The following ATP13A4 variants were observed in gnomAD, a reference collection of about 807,000 sequenced individuals.
The protein encoded by ATP13A4 is probable cation-transporting ATPase 13A4.
In ATP13A4, 114 loss-of-function variants were observed where a neutral mutation model predicts 142.5. The observed-to-expected ratio is 0.80, with a 90% CI of 0.69 to 0.93. The LOEUF is 0.93. ATP13A4 is among the 40% of genes least tolerant of loss of function. The pLI is 0.00. For missense variants in ATP13A4, 1,392 were observed against 1,454.0 expected, an observed-to-expected ratio of 0.96 and a Z score of 0.69; for synonymous variants, 488 against 514.8, an observed-to-expected ratio of 0.95 and a Z score of 0.70.
intron 25 of ATP13A4, among the ~76,000 whole-genome samples, chr3:193,423,423 T>C (rs555227693): frequency 6.7e-6 from 1 of 148,162 alleles, no homozygotes; most frequent in Non-Finnish European, 1.5e-5. Context: ...AATATAGATG[T>C]AAAAAAAAAT....
chr3:193,589,542 A>C (rs1009756834), intron 1 of ATP13A4, among the ~76,000 whole-genome samples: 2 of 152,172 alleles, frequency 1.3e-5, no homozygotes, highest in African/African-American at 4.8e-5. Context: ...TTCGTTGGAT[A>C]ATTCTGAAAA....
At chr3:193,510,095 G>A (rs917409162) in intron 2 of ATP13A4, among the ~76,000 whole-genome samples, 2 of 152,164 alleles carry the variant, frequency 1.3e-5, no homozygotes, top group East Asian at 3.9e-4. Context: ...AGTGGTCCTG[G>A]TGTGGGAAAC....
rs761826068 is a variant in ATP13A4 at position 193,502,498 on chromosome 3, G to A, written c.376C>T (p.Leu126=). 6.2e-7 allele frequency: 1 copy of A among 1,613,960 alleles called. No homozygotes were observed. ...GTAGCCATAAGTTTACTTACCTTTA[G>A]GTCTGGCTTTCTTATGGCTCTATTT... The part of the protein sequence containing the change: ...IINRAIRKPD[L]KVRCIKVQKI... The change falls in exon 3 of 30, where the codon CTA becomes TTA. Residue 126 remains leucine (L), a synonymous_variant. Coordinates refer to ENST00000342695, the MANE Select transcript of ATP13A4 (RefSeq NM_032279.4).
chr3:193,482,817 G>A (rs114347571), intron 8 of ATP13A4, among the ~76,000 whole-genome samples: 195 of 152,294 alleles, frequency 1.3e-3, no homozygotes, highest in African/African-American at 4.2e-3. Context: ...GCGCCACTGC[G>A]TTGGACCAAA....
At chr3:193,510,223 T>A (rs1721072372) in intron 2 of ATP13A4, among the ~76,000 whole-genome samples, 1 of 152,160 alleles carries the variant, frequency 6.6e-6, no homozygotes, top group African/African-American at 2.4e-5. Context: ...GACTTTAAGA[T>A]GACATTCGCG....
intron 1 of ATP13A4, among the ~76,000 whole-genome samples, chr3:193,530,973 A>G (rs1018864605): frequency 6.6e-6 from 1 of 152,070 alleles, no homozygotes; most frequent in African/African-American, 2.4e-5. Context: ...AGTTCCCCGA[A>G]TGGAATGTGC....
intron 1 of ATP13A4, among the ~76,000 whole-genome samples, chr3:193,582,927 T>A (rs1724594492): frequency 1.5e-5 from 1 of 64,774 alleles, no homozygotes; most frequent in Non-Finnish European, 2.5e-5. Flanking sequence ...TATATGTATA[T>A]TACATATATA....
chr3:193,564,802 C>T (rs1484277126), intron 2 of ATP13A4, among the ~76,000 whole-genome samples: 1 of 152,158 alleles, frequency 6.6e-6, no homozygotes, highest in Non-Finnish European at 1.5e-5. Flanking sequence ...AGCAAAGTTT[C>T]ATCTGTATTT....
chr3:193,569,875 G>A (rs1348159022), intron 2 of ATP13A4, among the ~76,000 whole-genome samples: 3 of 152,066 alleles, frequency 2.0e-5, no homozygotes, highest in African/African-American at 4.8e-5. Flanking sequence ...CCATATTAAT[G>A]TAAGATATTA....
chr3:193,479,906 G>A (rs1028039722), intron 8 of ATP13A4, among the ~76,000 whole-genome samples: 1 of 152,258 alleles, frequency 6.6e-6, no homozygotes, highest in East Asian at 1.9e-4. Flanking sequence ...CATGGTACTA[G>A]TATAAAAATG....
rs551032518 is a variant in ATP13A4 at position 193,412,285 on chromosome 3, G to A, written c.3101C>T (p.Thr1034Ile). The A allele has an allele frequency of 1.2e-6, 2 of 1,613,632 alleles. No individual in the cohort carries two copies. Among genetic ancestry groups the A allele is most frequent in the African/African-American group, 1.3e-5 (1 of 75,044 alleles). Residue 1034 changes from threonine to isoleucine, a missense_variant, in exon 27 of 30, where the codon ACA becomes ATA. By Grantham distance (89) the Thr-to-Ile change is moderately conservative. Coordinates refer to ENST00000342695, the MANE Select transcript of ATP13A4 (RefSeq NM_032279.4). ...CCAGACTGTAGTGTTCTCAAAACTT[G>A]TGAAGGTGCTATTACTTTCCATTTT... The part of the protein sequence containing the change: ...PEKMESNSTF[T>I]SFENTTVWFL...
At position 193,448,266 on chromosome 3, in the gene ATP13A4, C is replaced by G. The variant is rs780171151; in HGVS notation, c.2092G>C (p.Glu698Gln). The change falls in exon 18 of 30, where the codon GAG becomes CAG. Residue 698 changes from glutamate to glutamine, a missense_variant. Coordinates refer to ENST00000342695, the MANE Select transcript of ATP13A4 (RefSeq NM_032279.4). ...AGCTCTTCCAAGACAGGTTTTGTCT[C>G]TTCCTTCAATCGATTCTCCAAGATC... ...LLILENRLKE[E>Q]TKPVLEELIS... 3.1e-6 allele frequency: 5 copies of G among 1,614,186 alleles called. No individual in the cohort carries two copies. Among genetic ancestry groups the G allele is most frequent in the Non-Finnish European group, 4.2e-6 (5 of 1,180,020 alleles).
At chr3:193,445,093 AC>A (rs928517289) in intron 18 of ATP13A4, among the ~76,000 whole-genome samples, 13 of 152,192 alleles carry the variant, frequency 8.5e-5, no homozygotes, top group African/African-American at 3.1e-4. Flanking sequence ...AGAGCACATG[AC>A]TAGAGAAGTC....
At chr3:193,472,438 C>T (rs368654571) in intron 8 of ATP13A4, among the ~76,000 whole-genome samples, 6 of 152,222 alleles carry the variant, frequency 3.9e-5, no homozygotes, top group South Asian at 2.1e-4. Flanking sequence ...TAGTAATGCT[C>T]GCAATTCAGT....
At chr3:193,473,934 C>T (rs181343550) in intron 8 of ATP13A4, among the ~76,000 whole-genome samples, 1 of 152,278 alleles carries the variant, frequency 6.6e-6, no homozygotes, top group East Asian at 1.9e-4. Context: ...AAAACACGAA[C>T]GAGGTCTGAC....
chr3:193,429,333 A>C (rs1413042526), intron 25 of ATP13A4, among the ~76,000 whole-genome samples: 1 of 152,124 alleles, frequency 6.6e-6, no homozygotes, highest in African/African-American at 2.4e-5. Flanking sequence ...GGACTCAAAA[A>C]GATATTTTAT....
chr3:193,479,928 C>T (rs1719192217), intron 8 of ATP13A4, among the ~76,000 whole-genome samples: 1 of 152,076 alleles, frequency 6.6e-6, no homozygotes, highest in Non-Finnish European at 1.5e-5. Flanking sequence ...GGATATAGAC[C>T]AATGGAACAC....
chr3:193,573,276 C>CTTAT (rs745558107), intron 2 of ATP13A4, among the ~76,000 whole-genome samples: 10 of 77,836 alleles, frequency 1.3e-4, no homozygotes, highest in African/African-American at 5.8e-4. Flanking sequence ...TATATATATA[C>CTTAT]ATATATATAT....
intron 12 of ATP13A4, among the ~76,000 whole-genome samples, chr3:193,464,705 T>C (rs1718159140): frequency 6.6e-6 from 1 of 152,106 alleles, no homozygotes; most frequent in Non-Finnish European, 1.5e-5. Flanking sequence ...TCATAGGATA[T>C]CAAAGCTGGA....
Sources: allele counts gnomAD v4.1 joint callset (sites outside exome capture counted in the v4.1 genomes callset), GRCh38; gene constraint gnomAD v4.1.1; transcripts MANE v1.5; gene names NCBI Gene and HGNC (gene_info 2026-07-23, HGNC 2026-07-21).